The following PAFAH1B1 variants were observed in gnomAD, a reference collection of about 807,000 sequenced individuals.
PAFAH1B1 encodes platelet-activating factor acetylhydrolase IB subunit beta.
PAFAH1B1 carries 2 observed loss-of-function variants against 57.5 expected under a neutral mutation model. The ratio of observed to expected loss-of-function variants is 0.03; its 90% confidence interval spans 0.01 to 0.11. The LOEUF is 0.11. PAFAH1B1 is among the 10% of genes least tolerant of loss of function. The pLI is 1.00. For synonymous variants in PAFAH1B1, 152 were observed against 169.6 expected, an observed-to-expected ratio of 0.90 and a Z score of 0.81; for missense variants, 257 against 512.0, an observed-to-expected ratio of 0.50 and a Z score of 4.81.
At chr17:2,622,764 A>G (rs1266904848) in intron 1 of PAFAH1B1, among the ~76,000 whole-genome samples, 1 of 152,136 alleles carries the variant, frequency 6.6e-6, no homozygotes, top group African/African-American at 2.4e-5. Context: ...CTGACCCCAC[A>G]TTTCCCTTCA....
At chr17:2,681,434 T>C (rs956320211) in intron 10 of PAFAH1B1, 3 of 284,196 alleles carry the variant, frequency 1.1e-5, no homozygotes, top group Non-Finnish European at 2.0e-5. Flanking sequence ...CTTAGAATTT[T>C]GTGGCTCATT....
intron 2 of PAFAH1B1, among the ~76,000 whole-genome samples, chr17:2,657,414 T>C (rs1181153812): frequency 6.6e-6 from 1 of 152,212 alleles, no homozygotes; most frequent in Admixed American, 6.5e-5. Context: ...CCGGCTAATA[T>C]TGTATTTTTA....
intron 8 of PAFAH1B1, among the ~76,000 whole-genome samples, chr17:2,675,782 A>G (rs140548482): frequency 6.6e-6 from 1 of 152,240 alleles, no homozygotes; most frequent in East Asian, 1.9e-4. Context: ...TCAAAGCTGC[A>G]GTGAGCTATG....
At chr17:2,600,302 T>G (rs994947186) in intron 1 of PAFAH1B1, among the ~76,000 whole-genome samples, 2 of 151,934 alleles carry the variant, frequency 1.3e-5, no homozygotes, top group Non-Finnish European at 2.9e-5. Context: ...GGTTGGGCAC[T>G]GTGGTTCATG....
intron 1 of PAFAH1B1, among the ~76,000 whole-genome samples, chr17:2,615,866 CCCAGGAGGTGATAAGGAAAT>C (rs566637433): frequency 4.9e-4 from 75 of 152,084 alleles, no homozygotes; most frequent in Middle Eastern, 6.8e-3. Flanking sequence ...TAAGGATGCA[CCCAGGAGGTGATAAGGAAAT>C]CCAGGAGGTG....
In PAFAH1B1 at chr17:2,655,142, A is replaced by G. The variant is rs374579690; in HGVS notation, c.33-10230A>G. Among the ~76,000 whole-genome samples the G allele has an allele frequency of 9.2e-5, 14 of 151,486 alleles. 1 individual carries two copies. In the East Asian group the frequency reaches 2.7e-3, roughly 29 times the overall value. On this transcript the variant is annotated intron_variant, in intron 2 of 10. Transcript: ENST00000397195. ...TTCTTTGGAAATTTTTGATTTCCAGAATGAAATTGCTGATCATTTAAAAAA... is the reference window on the plus strand; with the variant it reads ...TTCTTTGGAAATTTTTGATTTCCAGGATGAAATTGCTGATCATTTAAAAAA...
At chr17:2,659,245 CA>C (rs140753546) in intron 2 of PAFAH1B1, among the ~76,000 whole-genome samples, 13,117 of 139,246 alleles carry the variant, frequency 0.094, 666 homozygotes, top group African/African-American at 0.15. Context: ...GACTCCGTTT[CA>C]AAAAAAAAAA....
chr17:2,633,788 T>C (rs867092), intron 1 of PAFAH1B1, among the ~76,000 whole-genome samples: 63,763 of 151,680 alleles, frequency 0.42, 15,883 homozygotes, highest in African/African-American at 0.7. Flanking sequence ...TTGAAATACT[T>C]TCTTGGCTTT....
At chr17:2,594,214 G>C (rs995470138) in intron 1 of PAFAH1B1, among the ~76,000 whole-genome samples, 1 of 152,104 alleles carries the variant, frequency 6.6e-6, no homozygotes, top group African/African-American at 2.4e-5. Flanking sequence ...TGAGAGACCC[G>C]GAGGAGGGGG....
chr17:2,639,565 A>G (rs1311690226), intron 2 of PAFAH1B1: 1 of 152,126 alleles, frequency 6.6e-6, no homozygotes, highest in Non-Finnish European at 1.5e-5. Flanking sequence ...TTAAAAACAT[A>G]AAAACAAAAC....
chr17:2,661,055 G>A (rs2069007167), intron 2 of PAFAH1B1, among the ~76,000 whole-genome samples: 1 of 151,998 alleles, frequency 6.6e-6, no homozygotes, highest in Admixed American at 6.6e-5. Flanking sequence ...GTCTTCTTTT[G>A]AGAAGTGTCT....
rs1018671833 is a variant in PAFAH1B1, at chr17:2,600,070, C to T, written c.-191+6064C>T. ...TCTCAGCTCACTGCAACCTCCACCT[C>T]CTGGGTTCAAACGATTCTTCTGCCT... On this transcript the variant is annotated intron_variant, in intron 1 of 10. Transcript: ENST00000397195. 2.0e-5 allele frequency among the ~76,000 whole-genome samples: 3 copies of T among 148,904 alleles called. No homozygotes were observed. In the Admixed American group the frequency reaches 2.0e-4, roughly 10 times the overall value.
intron 1 of PAFAH1B1, among the ~76,000 whole-genome samples, chr17:2,618,557 A>G (rs1166811491): frequency 2.0e-5 from 3 of 152,138 alleles, no homozygotes; most frequent in South Asian, 2.1e-4. Flanking sequence ...ACGTGATGCA[A>G]TGATTTTATA....
At chr17:2,624,300 G>T in intron 1 of PAFAH1B1, among the ~76,000 whole-genome samples, 1 of 152,104 alleles carries the variant, frequency 6.6e-6, no homozygotes, top group Non-Finnish European at 1.5e-5. Context: ...TCCAAACTCT[G>T]CCTGTTACCC....
At chr17:2,612,138 C>T (rs878908604) in intron 1 of PAFAH1B1, among the ~76,000 whole-genome samples, 2 of 151,176 alleles carry the variant, frequency 1.3e-5, no homozygotes, top group Admixed American at 6.6e-5. Flanking sequence ...TACTGTTTGA[C>T]GGTTGTTGAA....
chr17:2,650,247 C>T (rs766364158), intron 2 of PAFAH1B1, among the ~76,000 whole-genome samples: 3 of 152,118 alleles, frequency 2.0e-5, no homozygotes, highest in Non-Finnish European at 2.9e-5. Flanking sequence ...TGCAGTGGCT[C>T]ACGCCTGTAA....
At chr17:2,666,712 G>A (rs890810736) in intron 4 of PAFAH1B1, among the ~76,000 whole-genome samples, 2 of 152,104 alleles carry the variant, frequency 1.3e-5, no homozygotes, top group Non-Finnish European at 2.9e-5. Context: ...AATTAGTAGA[G>A]GACTCTGTCA....
intron 2 of PAFAH1B1, among the ~76,000 whole-genome samples, chr17:2,663,929 G>A (rs1477751773): frequency 1.3e-5 from 2 of 151,930 alleles, no homozygotes; most frequent in African/African-American, 2.4e-5. Flanking sequence ...TCCCGACCTC[G>A]TGATGCGCCC....
chr17:2,661,013 C>CT (rs1366606904), intron 2 of PAFAH1B1, among the ~76,000 whole-genome samples: 1 of 151,968 alleles, frequency 6.6e-6, no homozygotes, highest in Non-Finnish European at 1.5e-5. Flanking sequence ...TGATGTTGAG[C>CT]TTTTTTTCAT....
Sources: allele counts gnomAD v4.1 joint callset (sites outside exome capture counted in the v4.1 genomes callset), GRCh38; gene constraint gnomAD v4.1.1; transcripts MANE v1.5; gene names NCBI Gene and HGNC (gene_info 2026-07-23, HGNC 2026-07-21).